RDH10: variants seen among roughly 807,000 people sequenced by gnomAD.
The protein encoded by RDH10 is retinol dehydrogenase 10 (all-trans).
A neutral mutation model predicts 30.2 loss-of-function variants in RDH10; 12 were observed. That is an observed-to-expected ratio of 0.40 (90% CI 0.25 to 0.64). The LOEUF (loss-of-function observed/expected upper bound fraction) is 0.64, where lower values mean the gene tolerates loss of function less well. Ranked by LOEUF, RDH10 falls within the 30% of genes least tolerant of loss-of-function variation. The probability of loss-of-function intolerance (pLI) is 0.43; values close to 1 mark genes in which losing one functional copy is unlikely to be tolerated. For missense variants in RDH10, 268 were observed against 445.2 expected (o/e 0.60, Z 3.58); for synonymous variants, 189 against 172.2 (o/e 1.10, Z -0.76).
At chr8:73,298,686 C>A (rs1172847605) in intron 2 of RDH10, among the ~76,000 whole-genome samples, 1 of 152,076 alleles carries the variant, frequency 6.6e-6, no homozygotes, top group Non-Finnish European at 1.5e-5. Context: ...TGCTGCCACA[C>A]CTGGCTAATT....
chr8:73,294,815 G>A lies in RDH10; in HGVS notation c.-475G>A. The A allele has an allele frequency of 2.6e-6, 1 of 379,340 alleles. No individual in the cohort carries two copies. The highest frequency in any genetic ancestry group is 4.7e-6 in the Non-Finnish European group (1 of 213,546). The allele number at this position is 379,340 out of a possible 1,614,324, so 23.5% of individuals were successfully genotyped here. A position where few individuals can be genotyped will look rare whatever the true frequency, so the allele number is the denominator to read the frequency against. ...CTCCCACCCTCTCGCAACTTGGGTC[G>A]AGTTGACAACTCCCGCGGCAGCCCG... On this transcript the variant is annotated 5_prime_UTR_variant, in exon 1 of 6. Coordinates refer to ENST00000240285, the MANE Select transcript of RDH10 (RefSeq NM_172037.5).
chr8:73,313,329 A>G (rs560437547), intron 2 of RDH10: 6 of 152,376 alleles, frequency 3.9e-5, no homozygotes, highest in South Asian at 2.1e-4. Context: ...GTTCTTGCTT[A>G]TATTACAAAT....
chr8:73,313,553 A>G (rs2130372583), intron 2 of RDH10, among the ~76,000 whole-genome samples: 1 of 152,244 alleles, frequency 6.6e-6, no homozygotes, highest in South Asian at 2.1e-4. Context: ...ATGGTAGTCA[A>G]AGTTCTAGCT....
In RDH10 at chr8:73,295,414, C is replaced by G; in HGVS notation, c.125C>G (p.Thr42Ser). 6.5e-7 allele frequency: 1 copy of G among 1,548,300 alleles called. No individual in the cohort carries two copies. Among genetic ancestry groups the G allele is most frequent in the Non-Finnish European group, 8.7e-7 (1 of 1,147,982 alleles). Residue 42 changes from threonine to serine, a missense_variant, in exon 1 of 6, where the codon ACC (threonine) becomes AGC (serine). Thr to Ser is a moderately conservative substitution (Grantham distance 58). This residue lies in a region of RDH10 where 42 missense variants were observed against 77.6 expected (regional missense o/e 0.54). Coordinates refer to ENST00000240285, the MANE Select transcript of RDH10 (RefSeq NM_172037.5). Reference protein sequence around the residue: ...KSVAGQVCLITGAGSGLGRLF... With the variant: ...KSVAGQVCLISGAGSGLGRLF... The stretch of plus-strand genomic sequence containing the variant: ...GTGGCGGGCCAGGTGTGCCTCATCA[C>G]CGGCGCCGGCAGCGGCCTGGGCCGC...
intron 2 of RDH10, among the ~76,000 whole-genome samples, chr8:73,306,755 T>C (rs1460662178): frequency 1.3e-5 from 2 of 152,244 alleles, no homozygotes; most frequent in Non-Finnish European, 2.9e-5. Flanking sequence ...ACCACAAGTG[T>C]TTCTTACATG....
intron 2 of RDH10, among the ~76,000 whole-genome samples, chr8:73,299,911 A>G (rs1586187182): frequency 6.6e-6 from 1 of 152,348 alleles, no homozygotes; most frequent in South Asian, 2.1e-4. Context: ...TTCTAATATT[A>G]GGCTACTTTT....
chr8:73,318,493 C>T (rs1814713219), intron 2 of RDH10, among the ~76,000 whole-genome samples: 1 of 152,222 alleles, frequency 6.6e-6, no homozygotes, highest in South Asian at 2.1e-4. Context: ...GCATAGTTGG[C>T]ATTATGATAT....
Position 73,321,097 on chromosome 8 carries a change from A to G in RDH10, c.770+20A>G, listed in dbSNP as rs780385351. On this transcript the variant is annotated intron_variant, in intron 4 of 5. Transcript: ENST00000240285. Reference sequence around the variant, plus strand: ...AATCAGGTCAGTGAGAACCTATATTATTACTGATAAAAAGAATATGTTGGG... The same window carrying G: ...AATCAGGTCAGTGAGAACCTATATTGTTACTGATAAAAAGAATATGTTGGG... The G allele has an allele frequency of 1.3e-6, 2 of 1,565,648 alleles. No individual in the cohort carries two copies. The highest frequency in any genetic ancestry group is 1.7e-6 in the Non-Finnish European group (2 of 1,154,130).
rs1178498443 is a variant in RDH10, at chr8:73,325,147, C to A, written c.*2111C>A. On this transcript the variant is annotated 3_prime_UTR_variant, in exon 6 of 6. Transcript: ENST00000240285. ...TATAATTTAACAACCCACTTATCCA[C>A]CTTAAAACTGAGGAAAGTCGTCTTT... is the stretch of plus-strand genomic sequence containing the variant. The A allele has an allele frequency of 6.6e-6, 1 of 152,224 alleles. No homozygotes were observed. The highest frequency in any genetic ancestry group is 1.9e-4 in the East Asian group (1 of 5,198). The allele number at this position is 152,224 out of a possible 1,614,324, so 9.4% of individuals were successfully genotyped here.
chr8:73,297,900 A>G, intron 2 of RDH10: 1 of 185,906 alleles, frequency 5.4e-6, no homozygotes, highest in Non-Finnish European at 1.2e-5. Context: ...GTTACTTCGC[A>G]TCTCCTGACC....
chr8:73,322,881 GT>G, intron 5 of RDH10, 31 bp from the exon 6 acceptor site: 1 of 1,614,002 alleles, frequency 6.2e-7, no homozygotes, highest in Non-Finnish European at 8.5e-7. Flanking sequence ...GAAACTTCAA[GT>G]TTGCTAACAG....
chr8:73,304,897 A>G (rs891971344), intron 2 of RDH10, among the ~76,000 whole-genome samples: 2 of 152,222 alleles, frequency 1.3e-5, no homozygotes, highest in African/African-American at 4.8e-5. Flanking sequence ...GGCTCAAGGA[A>G]TGGCCCTTTC....
At chr8:73,308,604 G>C (rs1814504005) in intron 2 of RDH10, among the ~76,000 whole-genome samples, 2 of 152,106 alleles carry the variant, frequency 1.3e-5, no homozygotes, top group Non-Finnish European at 2.9e-5. Context: ...AGTCTTTTAG[G>C]TTTCTTCTTT....
chr8:73,300,877 T>C (rs1325140499), intron 2 of RDH10, among the ~76,000 whole-genome samples: 1 of 152,224 alleles, frequency 6.6e-6, no homozygotes, highest in Non-Finnish European at 1.5e-5. Context: ...AACCCTTTGT[T>C]TTCCAGTGAA....
chr8:73,296,452 A>C (rs907972729), intron 1 of RDH10, among the ~76,000 whole-genome samples: 2 of 152,142 alleles, frequency 1.3e-5, no homozygotes, highest in Non-Finnish European at 2.9e-5. Flanking sequence ...TAAGGGTGAA[A>C]ATGTACCATT....
rs1408374533 is a variant in RDH10, at chr8:73,324,021, C to A, written c.*985C>A. On this transcript the variant is annotated 3_prime_UTR_variant, in exon 6 of 6. Coordinates refer to ENST00000240285, the MANE Select transcript of RDH10 (RefSeq NM_172037.5). The stretch of plus-strand genomic sequence containing the variant: ...GACCTAATTATCCTAAAAGATCATA[C>A]ATTTTCTACCTATGAATTTTGCTGC... 6.6e-6 allele frequency: 1 copy of A among 152,626 alleles called. No homozygotes were observed. The highest frequency in any genetic ancestry group is 1.5e-5 in the Non-Finnish European group (1 of 68,050). 9.5% of individuals were successfully genotyped at this position (152,626 alleles called of 1,614,324 possible).
intron 1 of RDH10, 62 bp downstream of exon 1, chr8:73,295,640 A>G (rs1010017208): frequency 7.1e-7 from 1 of 1,402,932 alleles, no homozygotes; most frequent in Non-Finnish European, 9.3e-7. Flanking sequence ...GCGCCCTACC[A>G]CGGCAGGCCC....
intron 2 of RDH10, among the ~76,000 whole-genome samples, chr8:73,298,717 G>T (rs1814322996): frequency 6.6e-6 from 1 of 152,066 alleles, no homozygotes; most frequent in South Asian, 2.1e-4. Context: ...TAGTAGAGAT[G>T]GGGTTTCATG....
chr8:73,315,267 T>G (rs1195610488), intron 2 of RDH10: 2 of 148,600 alleles, frequency 1.3e-5, no homozygotes, highest in African/African-American at 5.1e-5. Context: ...GCCTCCTCTC[T>G]CTCTCCCCCT....
Sources: gnomAD v4.1 joint callset for allele counts (sites outside exome capture counted in the v4.1 genomes callset) on GRCh38, gnomAD v4.1.1 for gene constraint, gnomAD v4.1.1 regional missense constraint, MANE v1.5 for transcripts, NCBI Gene and HGNC (gene_info 2026-07-23, HGNC 2026-07-21) for gene names.